CFAP70: variants seen among roughly 807,000 people sequenced by gnomAD.
CFAP70 encodes cilia and flagella associated protein 70.
Under a neutral mutation model 137.6 loss-of-function variants are expected in CFAP70, and 81 were observed. That is an observed-to-expected ratio of 0.59 (90% CI 0.49 to 0.71). The LOEUF (loss-of-function observed/expected upper bound fraction) is 0.71. Ranked by LOEUF, CFAP70 falls within the 30% of genes least tolerant of loss-of-function variation. CFAP70 has a pLI of 0.00. For synonymous variants in CFAP70, 382 were observed against 423.6 expected, an observed-to-expected ratio of 0.90 and a Z score of 1.20; for missense variants, 976 against 1,226.7, an observed-to-expected ratio of 0.80 and a Z score of 3.05.
At chr10:73,353,590 G>C in exon 3 of CFAP70, 1 of 1,614,164 alleles carries the variant, frequency 6.2e-7, no homozygotes, top group Non-Finnish European at 8.5e-7. Flanking sequence ...CATCTGAAGT[G>C]ATTCCTCCTT....
At chr10:73,346,554 A>G (rs1197992151) in intron 4 of CFAP70, among the ~76,000 whole-genome samples, 2 of 151,944 alleles carry the variant, frequency 1.3e-5, no homozygotes, top group African/African-American at 4.8e-5. Flanking sequence ...GAGGCAGGAG[A>G]ATCGCTTGAA....
intron 8 of CFAP70, among the ~76,000 whole-genome samples, chr10:73,324,443 AG>A (rs2051187878): frequency 6.6e-6 from 1 of 152,246 alleles, no homozygotes; most frequent in South Asian, 2.1e-4. Flanking sequence ...CCTACTCCAA[AG>A]GAACGCAGTT....
chr10:73,359,411 G>A (rs1328564437), upstream of CFAP70, among the ~76,000 whole-genome samples: 1 of 152,096 alleles, frequency 6.6e-6, no homozygotes, highest in Non-Finnish European at 1.5e-5. Flanking sequence ...CACACAACAC[G>A]GATGAATTTT....
upstream of CFAP70, among the ~76,000 whole-genome samples, chr10:73,360,036 G>A (rs2132615268): frequency 6.6e-6 from 1 of 152,282 alleles, no homozygotes; most frequent in South Asian, 2.1e-4. Flanking sequence ...AATTCAATAT[G>A]TATCTCTGTA....
At chr10:73,297,317 G>A in intron 14 of CFAP70, 144 bp from the exon 16 acceptor site, 1 of 738,602 alleles carries the variant, frequency 1.4e-6, no homozygotes, top group Non-Finnish European at 2.1e-6. Context: ...TAGACTATCA[G>A]CTCTCCAAAT....
chr10:73,340,735 C>T (rs752855007), intron 6 of CFAP70, among the ~76,000 whole-genome samples: 5 of 152,318 alleles, frequency 3.3e-5, no homozygotes, highest in East Asian at 1.9e-4. Context: ...TGAGCACATG[C>T]GCACCTGGCC....
At position 73,327,331 on chromosome 10, in the gene CFAP70, C is replaced by T. The variant is rs984923644; in HGVS notation, c.777+3846G>A. ...CTCAATAAATTAGGTATTGATGGGA[C>T]GTATCTCAAAATAATAAGAGCTATC... On this transcript the variant is annotated intron_variant, in intron 8 of 26. Transcript: ENST00000310715. Among the ~76,000 whole-genome samples the T allele has an allele frequency of 1.0e-3, 152 of 149,532 alleles. 1 individual carries two copies. The highest frequency in any genetic ancestry group is 1.8e-3 in the Non-Finnish European group (119 of 67,702).
rs1362748934 is a variant in CFAP70 at position 73,279,570 on chromosome 10, T to TAA, written c.2240-1234_2240-1233insTT. On this transcript the variant is annotated intron_variant, in intron 19 of 26. Coordinates refer to ENST00000310715, the Ensembl canonical transcript of CFAP70. ...ATAAATAAATAAATAAATAAATAAA[T>TAA]ATAAGAAGTTGGGCGAGGTGACTCA... 8.4e-3 allele frequency among the ~76,000 whole-genome samples: 974 copies of TAA among 115,286 alleles called. 5 individuals carry two copies. Among genetic ancestry groups the TAA allele is most frequent in the South Asian group, 0.026 (71 of 2,762 alleles). The allele number at this position is 115,286 out of a possible 152,430, so 75.6% of individuals were successfully genotyped here. A position where few individuals can be genotyped will look rare whatever the true frequency, so the allele number is the denominator to read the frequency against.
intron 5 of CFAP70, 75 bp downstream of exon 6, chr10:73,344,990 A>C: frequency 8.2e-7 from 1 of 1,215,524 alleles, no homozygotes; most frequent in South Asian, 1.4e-5. Context: ...ATGAAATCTT[A>C]GAGGTGAGGA....
At chr10:73,318,156 C>T (rs1327002538) in intron 9 of CFAP70, among the ~76,000 whole-genome samples, 3 of 152,236 alleles carry the variant, frequency 2.0e-5, no homozygotes, top group South Asian at 2.1e-4. Context: ...GCCCCAGACA[C>T]GAAGGCCTCA....
At chr10:73,287,207 T>C (rs2047791722) in intron 19 of CFAP70, among the ~76,000 whole-genome samples, 1 of 152,174 alleles carries the variant, frequency 6.6e-6, no homozygotes, top group Admixed American at 6.5e-5. Flanking sequence ...CAGTAAACTA[T>C]AATAAAAGTG....
chr10:73,360,086 C>T (rs1409993200), upstream of CFAP70, among the ~76,000 whole-genome samples: 2 of 152,122 alleles, frequency 1.3e-5, no homozygotes, highest in African/African-American at 2.4e-5. Flanking sequence ...ATTGTTAGGA[C>T]GGTGGGAAAA....
At position 73,281,349 on chromosome 10, in the gene CFAP70, T is replaced by C. The variant is rs529124329; in HGVS notation, c.2240-3012A>G. The stretch of plus-strand genomic sequence containing the variant: ...ACAGACATGCCACCACACCTGGCTA[T>C]TTTTTTTTTTTTTAATTTTTGTAGA... On this transcript the variant is annotated intron_variant, in intron 19 of 26. Coordinates refer to ENST00000310715, the Ensembl canonical transcript of CFAP70. Among the ~76,000 whole-genome samples the C allele has an allele frequency of 3.6e-5, 4 of 111,066 alleles. No homozygotes were observed. The South Asian group carries it at 1.5e-3, about 41-fold the overall frequency. 72.9% of individuals were successfully genotyped at this position (111,066 alleles called of 152,430 possible).
At chr10:73,258,054 T>G (rs1010570957) in intron 25 of CFAP70, among the ~76,000 whole-genome samples, 1 of 152,054 alleles carries the variant, frequency 6.6e-6, no homozygotes, top group African/African-American at 2.4e-5. Context: ...TGTGTCTTCT[T>G]GTATTTTTCT....
At chr10:73,258,195 G>A (rs140269015) in intron 25 of CFAP70, among the ~76,000 whole-genome samples, 79 of 152,326 alleles carry the variant, frequency 5.2e-4, no homozygotes, top group African/African-American at 1.9e-3. Context: ...ATCAGTGCTT[G>A]TTGTGGGAAG....
At chr10:73,253,998 C>G (rs2044207487) in exon 27 of CFAP70, 1 of 1,605,820 alleles carries the variant, frequency 6.2e-7, no homozygotes, top group African/African-American at 1.3e-5. Flanking sequence ...TTTCCAAAGC[C>G]AACTGTTTCC....
At chr10:73,254,274 C>A in intron 26 of CFAP70, 1 of 371,248 alleles carries the variant, frequency 2.7e-6, no homozygotes, top group East Asian at 3.9e-5. Context: ...ATTCATCAAG[C>A]ACTATGCACG....
At chr10:73,283,075 T>C (rs1214989213) in intron 19 of CFAP70, among the ~76,000 whole-genome samples, 3 of 152,126 alleles carry the variant, frequency 2.0e-5, no homozygotes, top group East Asian at 1.9e-4. Context: ...TCAAGTGAGC[T>C]GTCAGCCTTG....
chr10:73,333,152 G>C (rs1409749365), intron 7 of CFAP70, among the ~76,000 whole-genome samples: 2 of 152,126 alleles, frequency 1.3e-5, no homozygotes, highest in Non-Finnish European at 2.9e-5. Context: ...CTTATCAGTT[G>C]ACTGGACATG....
Sources: allele counts gnomAD v4.1 joint callset (sites outside exome capture counted in the v4.1 genomes callset), GRCh38; gene constraint gnomAD v4.1.1; transcripts MANE v1.5; gene names NCBI Gene and HGNC (gene_info 2026-07-23, HGNC 2026-07-21).